PCDH15: variants seen among roughly 807,000 people sequenced by gnomAD.
The protein encoded by PCDH15 is protocadherin related 15.
A neutral mutation model predicts 178.5 loss-of-function variants in PCDH15; 129 were observed. The observed-to-expected ratio is 0.72, with a 90% confidence interval of 0.63 to 0.84. The LOEUF (loss-of-function observed/expected upper bound fraction) is 0.84, where lower values mean the gene tolerates loss of function less well. PCDH15 is among the 40% of genes least tolerant of loss of function. PCDH15 has a pLI of 0.00. For synonymous variants in PCDH15, 800 were observed against 732.0 expected (o/e 1.09, Z -1.50); for missense variants, 2,230 against 2,099.9 (o/e 1.06, Z -1.21).
At chr10:53,880,894 C>T (rs1167873673) in intron 26 of PCDH15, among the ~76,000 whole-genome samples, 1 of 151,986 alleles carries the variant, frequency 6.6e-6, no homozygotes, top group Non-Finnish European at 1.5e-5. Context: ...ATATAAACAA[C>T]CCTCAAAAAA....
chr10:54,115,613 A>T (rs545382500), intron 15 of PCDH15, among the ~76,000 whole-genome samples: 1 of 152,330 alleles, frequency 6.6e-6, no homozygotes, highest in Non-Finnish European at 1.5e-5. Flanking sequence ...ACAACCCTGA[A>T]GGACCATATC....
At chr10:54,353,816 G>A (rs1436944850) in intron 5 of PCDH15, among the ~76,000 whole-genome samples, 1 of 151,752 alleles carries the variant, frequency 6.6e-6, no homozygotes, top group Admixed American at 6.6e-5. Flanking sequence ...AATATTAAGG[G>A]TTACTTTCTC....
chr10:54,834,212 T>A (rs1273336963), intron 3 of PCDH15, among the ~76,000 whole-genome samples: 3 of 151,354 alleles, frequency 2.0e-5, no homozygotes, highest in African/African-American at 7.3e-5. Flanking sequence ...TTTTTTGAGA[T>A]GGAGTCTCAC....
intron 2 of PCDH15, among the ~76,000 whole-genome samples, chr10:54,918,112 A>AT (rs138308408): frequency 0.057 from 8,650 of 151,254 alleles, 787 homozygotes; most frequent in African/African-American, 0.19. Context: ...TGCAAAATGC[A>AT]TTTTTTTCTT....
rs147378504 is a variant in PCDH15, at chr10:54,421,141, A to T, written c.158-42199T>A. On this transcript the variant is annotated intron_variant, in intron 3 of 37. Transcript: ENST00000644397. ...GTATTGTATTGTATTTGCAGCAATTATTAGTGAAGTTTTACGTTTCAATAT... is the reference window on the plus strand; with the variant it reads ...GTATTGTATTGTATTTGCAGCAATTTTTAGTGAAGTTTTACGTTTCAATAT... 3.1e-3 allele frequency among the ~76,000 whole-genome samples: 467 copies of T among 152,248 alleles called. 4 individuals are homozygous for T. The highest frequency in any genetic ancestry group is 0.011 in the African/African-American group (447 of 41,566).
At chr10:53,899,501 C>T (rs2082184036) in intron 26 of PCDH15, among the ~76,000 whole-genome samples, 1 of 152,100 alleles carries the variant, frequency 6.6e-6, no homozygotes, top group Admixed American at 6.6e-5. Flanking sequence ...CAATCTTATT[C>T]TATGTCACAT....
At chr10:54,108,387 G>C (rs1192909110) in intron 15 of PCDH15, among the ~76,000 whole-genome samples, 1 of 152,146 alleles carries the variant, frequency 6.6e-6, no homozygotes, top group East Asian at 1.9e-4. Context: ...TGTCACAGCA[G>C]AAAGCAAAAC....
At chr10:55,055,236 C>A (rs934124073) in intron 2 of PCDH15, among the ~76,000 whole-genome samples, 3 of 152,068 alleles carry the variant, frequency 2.0e-5, no homozygotes, top group Admixed American at 1.3e-4. Flanking sequence ...ATATGGCTAG[C>A]CTGTTATCCA....
At chr10:54,192,099 G>A (rs1330771741) in intron 11 of PCDH15, among the ~76,000 whole-genome samples, 3 of 97,854 alleles carry the variant, frequency 3.1e-5, no homozygotes, top group Non-Finnish European at 5.4e-5. Flanking sequence ...AAGGAAGGAA[G>A]GAAGAAAGAA....
chr10:55,019,718 T>G (rs965156017), intron 2 of PCDH15, among the ~76,000 whole-genome samples: 2 of 152,184 alleles, frequency 1.3e-5, no homozygotes, highest in African/African-American at 4.8e-5. Flanking sequence ...AGTCTGAAAG[T>G]AGAGCAACCT....
At chr10:55,416,063 A>G (rs945792020) in intron 2 of PCDH15, among the ~76,000 whole-genome samples, 2 of 146,618 alleles carry the variant, frequency 1.4e-5, no homozygotes, top group African/African-American at 5.5e-5. Flanking sequence ...AAACAAACAA[A>G]CAAACAAACA....
intron 26 of PCDH15, among the ~76,000 whole-genome samples, chr10:53,876,042 A>G (rs1414320076): frequency 6.6e-6 from 1 of 152,168 alleles, no homozygotes; most frequent in Non-Finnish European, 1.5e-5. Context: ...CCTGAAATAG[A>G]GTGAAAGTGT....
intron 2 of PCDH15, among the ~76,000 whole-genome samples, chr10:55,046,135 C>T (rs986305501): frequency 1.3e-5 from 2 of 151,990 alleles, no homozygotes; most frequent in Non-Finnish European, 2.9e-5. Flanking sequence ...TCAAATTAAG[C>T]AAAACAGATT....
chr10:55,350,317 C>T (rs1226877737), intron 2 of PCDH15, among the ~76,000 whole-genome samples: 1 of 139,770 alleles, frequency 7.2e-6, no homozygotes, highest in Non-Finnish European at 1.5e-5. Context: ...ACATACATAT[C>T]ATTATTTAAA....
At chr10:55,016,151 G>C (rs1176048728) in intron 2 of PCDH15, among the ~76,000 whole-genome samples, 3 of 147,146 alleles carry the variant, frequency 2.0e-5, no homozygotes, top group Non-Finnish European at 4.5e-5. Context: ...GTATATATTT[G>C]TGGGAAACAT....
Position 55,417,786 on chromosome 10 carries a change from G to C in PCDH15, c.-156+209839C>G, listed in dbSNP as rs138106303. 4.0e-3 allele frequency among the ~76,000 whole-genome samples: 610 copies of C among 151,066 alleles called. 5 individuals carry two copies. The highest frequency in any genetic ancestry group is 0.014 in the African/African-American group (581 of 41,320). ...AGGGAAAAAAAAAACAAGTGAGATT[G>C]GATTTTGGAAACAGAACCCACCCAG... On this transcript the variant is annotated intron_variant, in intron 2 of 5. Transcript: ENST00000613346.
intron 2 of PCDH15, among the ~76,000 whole-genome samples, chr10:55,433,865 C>A (rs901954541): frequency 6.6e-6 from 1 of 151,978 alleles, no homozygotes; most frequent in Non-Finnish European, 1.5e-5. Context: ...CCTGTCACTG[C>A]ACTGTTTATT....
chr10:54,776,736 T>C (rs909434443), intron 1 of PCDH15, among the ~76,000 whole-genome samples: 1 of 152,194 alleles, frequency 6.6e-6, no homozygotes, highest in African/African-American at 2.4e-5. Context: ...AGGCTTGGTT[T>C]TGTCATGTTT....
chr10:55,056,644 A>ATTAT (rs1841313213), intron 2 of PCDH15, among the ~76,000 whole-genome samples: 2 of 100,416 alleles, frequency 2.0e-5, no homozygotes, highest in Non-Finnish European at 4.7e-5. Flanking sequence ...ATTATTATTA[A>ATTAT]TATTTTGAGA....
Sources: allele counts gnomAD v4.1 joint callset (sites outside exome capture counted in the v4.1 genomes callset), GRCh38; gene constraint gnomAD v4.1.1; transcripts MANE v1.5; gene names NCBI Gene and HGNC (gene_info 2026-07-23, HGNC 2026-07-21).